The following HPD variants were observed in gnomAD, a reference collection of about 807,000 sequenced individuals.
HPD encodes the protein 4-hydroxyphenylpyruvate dioxygenase.
HPD carries 35 observed loss-of-function variants against 56.9 expected under a neutral mutation model. The observed-to-expected ratio is 0.62, with a 90% confidence interval of 0.47 to 0.82. The LOEUF (loss-of-function observed/expected upper bound fraction) is 0.82. HPD is among the 40% of genes least tolerant of loss of function. The pLI, the probability that HPD is intolerant of heterozygous loss-of-function variation, is 0.00. For synonymous variants in HPD, 186 were observed against 200.2 expected, an observed-to-expected ratio of 0.93 and a Z score of 0.60; for missense variants, 442 against 506.8, an observed-to-expected ratio of 0.87 and a Z score of 1.23.
the HPD span, among the ~76,000 whole-genome samples, chr12:121,886,502 T>C: frequency 6.6e-6 from 1 of 150,638 alleles, no homozygotes; most frequent in Non-Finnish European, 1.5e-5. Flanking sequence ...GCTAGGATTA[T>C]AGCCATAAGC....
chr12:121,839,848 GAA>G lies in HPD; in HGVS notation c.1072-12_1072-11del. The stretch of plus-strand genomic sequence containing the variant: ...TGCCGGCTCCAAAACCCTGTGGCGG[GAA>G]AGAGAGGAGATGAGCCAAGGACCCA... On this transcript the variant is annotated splice_polypyrimidine_tract_variant and intron_variant, in intron 13 of 13. Coordinates refer to ENST00000289004, the MANE Select transcript of HPD (RefSeq NM_002150.3). 1 of 1,613,386 alleles carries G rather than the reference GAA, an allele frequency of 6.2e-7. No homozygotes were observed. Among genetic ancestry groups the G allele is most frequent in the Non-Finnish European group, 8.5e-7 (1 of 1,179,296 alleles).
At chr12:121,841,722 C>T (rs899097681) in intron 12 of HPD, among the ~76,000 whole-genome samples, 8 of 151,592 alleles carry the variant, frequency 5.3e-5, no homozygotes, top group East Asian at 3.9e-4. Flanking sequence ...TTCACTCTGT[C>T]GCCCAGGCTG....
chr12:121,841,138 G>A (rs1877392965), intron 12 of HPD, among the ~76,000 whole-genome samples: 1 of 151,180 alleles, frequency 6.6e-6, no homozygotes. Context: ...GGAAGTGGAG[G>A]TTGCAGTGAG....
At chr12:121,857,607 T>C (rs1878051940) in intron 3 of HPD, 150 bp downstream of exon 3, 2 of 833,798 alleles carry the variant, frequency 2.4e-6, no homozygotes, top group Non-Finnish European at 4.1e-6. Context: ...ACTTTCCCGC[T>C]GGTGTAATTA....
intron 2 of HPD, among the ~76,000 whole-genome samples, chr12:121,858,392 C>T (rs1878081442): frequency 1.3e-5 from 2 of 152,104 alleles, no homozygotes; most frequent in Admixed American, 6.6e-5. Flanking sequence ...CTCATGTTGA[C>T]CAGGCTGGTC....
At chr12:121,841,634 G>A (rs1877410200) in intron 12 of HPD, among the ~76,000 whole-genome samples, 1 of 151,664 alleles carries the variant, frequency 6.6e-6, no homozygotes, top group African/African-American at 2.4e-5. Flanking sequence ...GATGAACCTT[G>A]AGCACATGCT....
chr12:121,841,556 G>A (rs1191246723), intron 12 of HPD, among the ~76,000 whole-genome samples: 1 of 152,174 alleles, frequency 6.6e-6, no homozygotes. Context: ...AACAATGTGT[G>A]TCTATCTATA....
chr12:121,857,856 A>T (rs758091961), intron 2 of HPD, 37 bp from the exon 3 acceptor site: 1 of 1,560,382 alleles, frequency 6.4e-7, no homozygotes. Flanking sequence ...TGAGTCCCTG[A>T]AAGTGAGTCT....
chr12:121,841,552 G>A (rs1877407714), intron 12 of HPD, among the ~76,000 whole-genome samples: 1 of 152,164 alleles, frequency 6.6e-6, no homozygotes, highest in African/African-American at 2.4e-5. Context: ...GATAAACAAT[G>A]TGTGTCTATC....
rs369932222 is a variant in HPD, at chr12:121,856,393, G to T, written c.255C>A (p.His85Gln). 8 of 1,613,958 alleles carry T rather than the reference G, an allele frequency of 5.0e-6. No homozygotes were observed. The highest frequency in any genetic ancestry group is 5.1e-6 in the Non-Finnish European group (6 of 1,180,000). The change falls in exon 6 of 14, where the codon CAC becomes CAA. Residue 85 changes from histidine to glutamine, a missense_variant. Physicochemically the swap from His to Gln is conservative, Grantham distance 24. Coordinates refer to ENST00000289004, the MANE Select transcript of HPD (RefSeq NM_002150.3). The stretch of plus-strand genomic sequence containing the variant: ...TCACTCCGTCACCGTGTTTCACCAG[G>T]TGATCGCCCATCTCTGTGGCCGGCA... ...LNPWNKEMGD[H>Q]LVKHGDGVKD...
chr12:121,843,505 C>T (rs909446566), intron 12 of HPD, among the ~76,000 whole-genome samples: 3 of 152,334 alleles, frequency 2.0e-5, no homozygotes, highest in East Asian at 1.9e-4. Flanking sequence ...GTTTGAACTT[C>T]CTGCACTGAC....
rs369600060 is a variant in HPD at position 121,850,405 on chromosome 12, C to T, written c.415-615G>A. On this transcript the variant is annotated intron_variant, in intron 7 of 13. Transcript: ENST00000289004. ...TCGTGCCACTACACTCCAGCCTGGGCGACAGAATGAGACTCCGTCTCAAAA... is the reference window on the plus strand; with the variant it reads ...TCGTGCCACTACACTCCAGCCTGGGTGACAGAATGAGACTCCGTCTCAAAA... Among the ~76,000 whole-genome samples, 52 of 144,168 alleles carry T rather than the reference C, an allele frequency of 3.6e-4. No homozygotes were observed. In the East Asian group the frequency reaches 6.9e-3, roughly 19 times the overall value. 94.6% of individuals were successfully genotyped at this position (144,168 alleles called of 152,430 possible). A position where few individuals can be genotyped will look rare whatever the true frequency, so the allele number is the denominator to read the frequency against.
intron 7 of HPD, among the ~76,000 whole-genome samples, chr12:121,852,212 G>T (rs895301785): frequency 6.6e-6 from 1 of 151,984 alleles, no homozygotes; most frequent in African/African-American, 2.4e-5. Context: ...TAGAGATGGG[G>T]TCTCACTTTG....
At chr12:121,880,943 TC>T in the HPD span, among the ~76,000 whole-genome samples, 1 of 152,096 alleles carries the variant, frequency 6.6e-6, no homozygotes. Context: ...TACAAGTGTG[TC>T]CCACCACGCC....
Position 121,843,769 on chromosome 12 carries a change from G to A in HPD, c.895C>T (p.Leu299=), listed in dbSNP as rs144544907. The part of the protein sequence containing the change: ...LSVPSTYYKQ[L]REKLKTAKIK... ...TTGGCCGTCTTCAGCTTCTCCCGCAGTTGTTTGTAGTACGTGGAGGGAACA... is the reference window on the plus strand; with the variant it reads ...TTGGCCGTCTTCAGCTTCTCCCGCAATTGTTTGTAGTACGTGGAGGGAACA... The change falls in exon 12 of 14, where the codon CTG becomes TTG. Residue 299 remains leucine, a synonymous_variant. Coordinates refer to ENST00000289004, the MANE Select transcript of HPD (RefSeq NM_002150.3). 113 of 1,614,146 alleles carry A rather than the reference G, an allele frequency of 7.0e-5. 1 individual carries two copies. In the African/African-American group the frequency reaches 1.5e-3, roughly 21 times the overall value.
At chr12:121,857,145 C>T (rs1878031219) in intron 4 of HPD, 183 bp downstream of exon 4, 8 of 597,968 alleles carry the variant, frequency 1.3e-5, no homozygotes, top group East Asian at 1.2e-4. Context: ...AGTGGCACGA[C>T]GTTGGCTCAC....
chr12:121,857,370 G>A lies in HPD; in HGVS notation c.156C>T (p.Thr52=), dbSNP rs776140021. The change falls in exon 4 of 14, where the codon ACC becomes ACT. Residue 52 remains threonine (T), a synonymous_variant. Coordinates refer to ENST00000289004, the MANE Select transcript of HPD (RefSeq NM_002150.3). The part of the protein sequence containing the change: ...FEPLAYRGLE[T]GSREVVSHVI... ...CATGGCTGACCACCTCCCGGGAACC[G>A]GTCTCCAGGCCCCTGTAGGCTAGAG... The A allele has an allele frequency of 7.4e-6, 12 of 1,613,920 alleles. No homozygotes were observed. The highest frequency in any genetic ancestry group is 2.2e-5 in the East Asian group (1 of 44,892).
the HPD span, among the ~76,000 whole-genome samples, chr12:121,885,878 G>C: frequency 6.6e-6 from 1 of 151,474 alleles, no homozygotes; most frequent in Admixed American, 6.6e-5. Context: ...GGAATTGCTT[G>C]AACCAGGGAG....
intron 3 of HPD, 87 bp downstream of exon 3, chr12:121,857,670 A>G: frequency 1.7e-6 from 2 of 1,197,820 alleles, no homozygotes; most frequent in South Asian, 1.2e-5. Context: ...CCAAGGGCCA[A>G]TCACAGACCC....
Sources: gnomAD v4.1 joint callset for allele counts (sites outside exome capture counted in the v4.1 genomes callset) on GRCh38, gnomAD v4.1.1 for gene constraint, MANE v1.5 for transcripts, NCBI Gene and HGNC (gene_info 2026-07-23, HGNC 2026-07-21) for gene names.